DLGAP2: variants seen among roughly 807,000 people sequenced by gnomAD.
DLGAP2 encodes the protein disks large-associated protein 2.
In DLGAP2, 26 loss-of-function variants were observed where a neutral mutation model predicts 100.3. The ratio of observed to expected loss-of-function variants is 0.26; its 90% CI spans 0.19 to 0.36. The LOEUF is 0.36. Among genes scored for constraint, DLGAP2 ranks in the 10% least tolerant of loss-of-function variants. DLGAP2 has a pLI of 1.00. For missense variants in DLGAP2, 1,858 were observed against 1,453.2 expected (o/e 1.28, Z -4.53); for synonymous variants, 886 against 630.1 (o/e 1.41, Z -6.08).
At chr8:1,392,840 G>C (rs558779837) in intron 3 of DLGAP2, among the ~76,000 whole-genome samples, 326 of 149,776 alleles carry the variant, frequency 2.2e-3, no homozygotes, top group African/African-American at 7.8e-3. Flanking sequence ...CAAAGTGAAT[G>C]TATGTGTGTT....
In DLGAP2 at chr8:899,188, C is replaced by G. The variant is rs1482167340; in HGVS notation, c.19-8724C>G. Among the ~76,000 whole-genome samples, 9 of 152,332 alleles carry G rather than the reference C, an allele frequency of 5.9e-5. No homozygotes were observed. The South Asian group carries it at 1.7e-3, about 28-fold the overall frequency. On this transcript the variant is annotated intron_variant, in intron 1 of 14. Coordinates refer to ENST00000637795, the MANE Select transcript of DLGAP2 (RefSeq NM_001346810.2). The stretch of plus-strand genomic sequence containing the variant: ...GGATGGTTCCTCTCTCCAACCTGCT[C>G]CCATAGTGCGTTCCACATGGGACTC...
intron 11 of DLGAP2, among the ~76,000 whole-genome samples, chr8:1,677,548 G>GATACAGAGCATA (rs2130853476): frequency 6.6e-6 from 1 of 152,214 alleles, no homozygotes; most frequent in Admixed American, 6.5e-5. Context: ...ACAGGCACAC[G>GATACAGAGCATA]ATACAGAGCA....
chr8:1,512,744 C>G (rs942617320), intron 4 of DLGAP2, among the ~76,000 whole-genome samples: 1 of 152,256 alleles, frequency 6.6e-6, no homozygotes. Context: ...AGATCTCAGA[C>G]TTCGCAGCTT....
intron 2 of DLGAP2, among the ~76,000 whole-genome samples, chr8:1,232,161 G>C (rs1486855294): frequency 1.3e-5 from 2 of 152,184 alleles, no homozygotes; most frequent in African/African-American, 4.8e-5. Flanking sequence ...CGACTGGGTG[G>C]TGCTGAGCCT....
At chr8:759,964 A>G (rs1821038795) in intron 1 of DLGAP2, among the ~76,000 whole-genome samples, 1 of 152,178 alleles carries the variant, frequency 6.6e-6, no homozygotes, top group African/African-American at 2.4e-5. Flanking sequence ...TCCACCACCC[A>G]GCAATTGTCA....
At chr8:1,650,402 C>T (rs1170360052) in intron 8 of DLGAP2, among the ~76,000 whole-genome samples, 1 of 152,204 alleles carries the variant, frequency 6.6e-6, no homozygotes, top group East Asian at 1.9e-4. Flanking sequence ...ATTGCTGTCT[C>T]TTCTAAATAT....
At chr8:1,181,717 G>A (rs1797392286) in intron 2 of DLGAP2, among the ~76,000 whole-genome samples, 2 of 152,162 alleles carry the variant, frequency 1.3e-5, no homozygotes, top group South Asian at 4.1e-4. Flanking sequence ...ACGATGGGAA[G>A]AATGTAAATT....
chr8:1,458,649 A>G (rs1373851753), intron 3 of DLGAP2, among the ~76,000 whole-genome samples: 1 of 152,236 alleles, frequency 6.6e-6, no homozygotes, highest in Non-Finnish European at 1.5e-5. Flanking sequence ...CTCCAGCAGC[A>G]CAGACCTGCG....
At chr8:1,126,145 G>A (rs948417893) in intron 2 of DLGAP2, among the ~76,000 whole-genome samples, 96 of 152,350 alleles carry the variant, frequency 6.3e-4, no homozygotes, top group African/African-American at 1.7e-3. Flanking sequence ...CAGTGGTGCC[G>A]TGGATTCTGC....
chr8:1,316,317 T>C (rs377024183), intron 3 of DLGAP2, among the ~76,000 whole-genome samples: 1,235 of 28,358 alleles, frequency 0.044, 2 homozygotes, highest in African/African-American at 0.064. Context: ...TCGAGAAACT[T>C]GGCAGCGTTT....
chr8:1,674,403 C>T (rs1485053985), intron 10 of DLGAP2, among the ~76,000 whole-genome samples: 1 of 152,196 alleles, frequency 6.6e-6, no homozygotes, highest in African/African-American at 2.4e-5. Context: ...ACTTACTGCA[C>T]ATTCCTATCC....
intron 2 of DLGAP2, among the ~76,000 whole-genome samples, chr8:947,432 C>A (rs1212545026): frequency 1.3e-5 from 2 of 152,210 alleles, no homozygotes; most frequent in Non-Finnish European, 2.9e-5. Flanking sequence ...GCGACAGGCC[C>A]CTTACGTCCG....
intron 1 of DLGAP2, among the ~76,000 whole-genome samples, chr8:882,972 G>A (rs867284): frequency 0.018 from 2,677 of 152,320 alleles, 75 homozygotes; most frequent in African/African-American, 0.06. Flanking sequence ...GTTTTTGTTG[G>A]TGACACTGAC....
intron 1 of DLGAP2, among the ~76,000 whole-genome samples, chr8:803,090 G>A (rs1407044210): frequency 1.3e-5 from 2 of 152,204 alleles, no homozygotes; most frequent in Admixed American, 1.3e-4. Flanking sequence ...GACGCTGGTG[G>A]CGGCTTCTGG....
intron 1 of DLGAP2, among the ~76,000 whole-genome samples, chr8:763,904 A>C (rs1821147830): frequency 6.6e-6 from 1 of 152,256 alleles, no homozygotes; most frequent in East Asian, 1.9e-4. Context: ...AGAATTAAAC[A>C]GAAAGTGACG....
At chr8:1,645,859 G>C (rs900158363) in intron 8 of DLGAP2, among the ~76,000 whole-genome samples, 1 of 152,124 alleles carries the variant, frequency 6.6e-6, no homozygotes, top group Non-Finnish European at 1.5e-5. Flanking sequence ...TCTTTTTCCT[G>C]TGAAGCATCA....
chr8:1,193,271 C>T (rs953800207), intron 2 of DLGAP2, among the ~76,000 whole-genome samples: 4 of 152,148 alleles, frequency 2.6e-5, no homozygotes, highest in Non-Finnish European at 4.4e-5. Flanking sequence ...ATGGTTGAAC[C>T]AGTTTACTGT....
intron 2 of DLGAP2, among the ~76,000 whole-genome samples, chr8:1,160,316 G>T (rs1796865719): frequency 6.6e-6 from 1 of 152,202 alleles, no homozygotes; most frequent in Non-Finnish European, 1.5e-5. Flanking sequence ...TGCCTGGTTA[G>T]CAGGGTCCTT....
chr8:1,487,249 GTTA>G (rs1322736782), intron 3 of DLGAP2, among the ~76,000 whole-genome samples: 2 of 152,144 alleles, frequency 1.3e-5, no homozygotes, highest in African/African-American at 4.8e-5. Flanking sequence ...GCCATTCACT[GTTA>G]TTAATACCCA....
Sources: allele counts gnomAD v4.1 joint callset (sites outside exome capture counted in the v4.1 genomes callset), GRCh38; gene constraint gnomAD v4.1.1; transcripts MANE v1.5; gene names NCBI Gene and HGNC (gene_info 2026-07-23, HGNC 2026-07-21).